Variants in WDR27 observed in about 807,000 individuals in gnomAD.
WDR27 encodes WD repeat-containing protein 27.
Under a neutral mutation model 114.4 loss-of-function variants are expected in WDR27, and 100 were observed. The ratio of observed to expected loss-of-function variants is 0.87; its 90% CI spans 0.74 to 1.03. The LOEUF (loss-of-function observed/expected upper bound fraction) is 1.03, where lower values mean the gene tolerates loss of function less well. Among genes scored for constraint, WDR27 ranks in the 50% least tolerant of loss-of-function variants. The pLI is 0.00. For synonymous variants in WDR27, 449 were observed against 423.1 expected, an observed-to-expected ratio of 1.06 and a Z score of -0.75; for missense variants, 1,129 against 1,092.9, an observed-to-expected ratio of 1.03 and a Z score of -0.47.
intron 23 of WDR27, among the ~76,000 whole-genome samples, chr6:169,584,538 G>A (rs1039393044): frequency 6.6e-6 from 1 of 152,134 alleles, no homozygotes; most frequent in Non-Finnish European, 1.5e-5. Context: ...AGTGCACAGG[G>A]TTCCCTTGTT....
At chr6:169,658,238 G>C (rs1404532459) in intron 13 of WDR27, 38 bp downstream of exon 13, 1 of 1,519,370 alleles carries the variant, frequency 6.6e-7, no homozygotes, top group African/African-American at 1.4e-5. Flanking sequence ...GAACGCATCA[G>C]CCTTGTATTC....
At chr6:169,481,553 C>T (rs1788087265) in intron 25 of WDR27, among the ~76,000 whole-genome samples, 1 of 152,232 alleles carries the variant, frequency 6.6e-6, no homozygotes, top group Non-Finnish European at 1.5e-5. Flanking sequence ...CTGTAGCACT[C>T]ACCGCAAAAG....
chr6:169,448,278 T>C, the WDR27 span, among the ~76,000 whole-genome samples: 2 of 151,972 alleles, frequency 1.3e-5, no homozygotes, highest in Non-Finnish European at 2.9e-5. Context: ...GTTTAGGCCA[T>C]TTTTTTCCTT....
At chr6:169,487,826 C>T (rs1267874033) in intron 25 of WDR27, among the ~76,000 whole-genome samples, 1 of 152,178 alleles carries the variant, frequency 6.6e-6, no homozygotes, top group Non-Finnish European at 1.5e-5. Flanking sequence ...CTACTTCAGT[C>T]ATGGTTAATA....
At chr6:169,656,542 G>C (rs1400003918) in intron 13 of WDR27, among the ~76,000 whole-genome samples, 1 of 152,154 alleles carries the variant, frequency 6.6e-6, no homozygotes, top group Non-Finnish European at 1.5e-5. Context: ...CGGCTTGTGG[G>C]GTCCAGGAAG....
At chr6:169,519,640 C>T (rs948665202) in intron 25 of WDR27, among the ~76,000 whole-genome samples, 1 of 152,116 alleles carries the variant, frequency 6.6e-6, no homozygotes, top group Admixed American at 6.5e-5. Flanking sequence ...TCCCACCAGG[C>T]CCTCCCTCCA....
chr6:169,696,431 C>A (rs1786001112), intron 1 of WDR27, among the ~76,000 whole-genome samples: 1 of 152,150 alleles, frequency 6.6e-6, no homozygotes, highest in Admixed American at 6.6e-5. Context: ...CACATGCACA[C>A]AAAGAATCCC....
At position 169,457,571 on chromosome 6, in the gene WDR27, C is replaced by T; in HGVS notation, c.*21G>A. 2 of 1,548,978 alleles carry T rather than the reference C, an allele frequency of 1.3e-6. No individual in the cohort carries two copies. Among genetic ancestry groups the T allele is most frequent in the Non-Finnish European group, 1.7e-6 (2 of 1,145,508 alleles). Reference sequence around the variant, plus strand: ...CCTCACAGCATTCCTGGACCCAGCTCACAGGTCAGTGGTTACTCAGCTAGA... The same window carrying T: ...CCTCACAGCATTCCTGGACCCAGCTTACAGGTCAGTGGTTACTCAGCTAGA... On this transcript the variant is annotated 3_prime_UTR_variant, in exon 26 of 26. Transcript: ENST00000448612.
At position 169,602,334 on chromosome 6, in the gene WDR27, A is replaced by G; in HGVS notation, c.2322-13T>C. ...GTGGCGCTCACACCTACAGGGAGGA[A>G]AGAAACACCAGGAGAAAAATCATTT... On this transcript the variant is annotated splice_polypyrimidine_tract_variant and intron_variant, in intron 22 of 25. Transcript: ENST00000448612. The G allele has an allele frequency of 6.7e-7, 1 of 1,487,026 alleles. No individual in the cohort carries two copies. The highest frequency in any genetic ancestry group is 1.7e-4 in the Middle Eastern group (1 of 5,804). The allele number at this position is 1,487,026 out of a possible 1,614,324, so 92.1% of individuals were successfully genotyped here.
intron 25 of WDR27, among the ~76,000 whole-genome samples, chr6:169,479,021 C>A (rs933665390): frequency 6.6e-6 from 1 of 152,118 alleles, no homozygotes; most frequent in Non-Finnish European, 1.5e-5. Flanking sequence ...TTGGCTAAGT[C>A]CCCTAAAGCA....
At chr6:169,495,812 A>C (rs1790328022) in intron 25 of WDR27, among the ~76,000 whole-genome samples, 1 of 152,076 alleles carries the variant, frequency 6.6e-6, no homozygotes, top group Admixed American at 6.5e-5. Context: ...CCTGAATCTG[A>C]TGACTTCATT....
At chr6:169,557,869 T>A (rs1799140587) in intron 25 of WDR27, among the ~76,000 whole-genome samples, 1 of 152,160 alleles carries the variant, frequency 6.6e-6, no homozygotes, top group Non-Finnish European at 1.5e-5. Context: ...TAAGAGACTG[T>A]CTTCATTGCC....
At chr6:169,509,457 G>C (rs1393251698) in intron 25 of WDR27, among the ~76,000 whole-genome samples, 1 of 152,004 alleles carries the variant, frequency 6.6e-6, no homozygotes, top group Non-Finnish European at 1.5e-5. Flanking sequence ...ACAGAACAGA[G>C]CCCTCAGAAA....
At chr6:169,565,207 CGTT>C (rs1282813386) in intron 25 of WDR27, among the ~76,000 whole-genome samples, 1 of 152,204 alleles carries the variant, frequency 6.6e-6, no homozygotes, top group African/African-American at 2.4e-5. Context: ...AAACTGCTAA[CGTT>C]GTTGTGTGTG....
chr6:169,531,828 A>G (rs1410699547), intron 25 of WDR27, among the ~76,000 whole-genome samples: 2 of 151,872 alleles, frequency 1.3e-5, no homozygotes, highest in African/African-American at 4.8e-5. Flanking sequence ...TAATTTTTGT[A>G]TTTTTAGTAG....
Position 169,649,233 on chromosome 6 carries a change from C to T in WDR27, c.1524G>A (p.Gly508=), listed in dbSNP as rs1417434535. Residue 508 remains glycine, a synonymous_variant, in exon 15 of 26, where the codon GGG becomes GGA. Transcript: ENST00000448612. ...FSPKTNIKSE[G]KGSSRSRSSC... ...TGCTCCTGCTCCTTGAAGATCCTTT[C>T]CCCTCACTCTTGATGTTGGTCTTTG... The T allele has an allele frequency of 3.8e-6, 6 of 1,578,776 alleles. No homozygotes were observed. Among genetic ancestry groups the T allele is most frequent in the African/African-American group, 2.7e-5 (2 of 74,314 alleles).
intron 25 of WDR27, among the ~76,000 whole-genome samples, chr6:169,496,547 C>G (rs758518993): frequency 6.6e-6 from 1 of 152,034 alleles, no homozygotes; most frequent in Non-Finnish European, 1.5e-5. Flanking sequence ...ATAGGAAGCC[C>G]TACAGATTCC....
chr6:169,495,703 A>G (rs1461797192), intron 25 of WDR27, among the ~76,000 whole-genome samples: 2 of 152,080 alleles, frequency 1.3e-5, no homozygotes, highest in African/African-American at 4.8e-5. Context: ...TAAACATAAA[A>G]TCTACCAAGA....
Position 169,664,198 on chromosome 6 carries a change from C to G in WDR27, c.872G>C (p.Arg291Thr). Residue 291 changes from arginine to threonine, a missense_variant, in exon 8 of 26, where the codon AGA (arginine) becomes ACA (threonine). Physicochemically the swap from Arg to Thr is moderately conservative, Grantham distance 71. Coordinates refer to ENST00000448612, the MANE Select transcript of WDR27 (RefSeq NM_182552.5). ...LRKKTETFST[R>T]RVKSGLCSQP... ...GCTGCACAGCCCAGACTTAACCCTT[C>G]TTGTGGAGAAAGTCTCTGTCTTCTT... 1 of 1,609,856 alleles carries G rather than the reference C, an allele frequency of 6.2e-7. No individual in the cohort carries two copies. Among genetic ancestry groups the G allele is most frequent in the Non-Finnish European group, 8.5e-7 (1 of 1,177,704 alleles).
Sources: gnomAD v4.1 joint callset for allele counts (sites outside exome capture counted in the v4.1 genomes callset) on GRCh38, gnomAD v4.1.1 for gene constraint, MANE v1.5 for transcripts, NCBI Gene and HGNC (gene_info 2026-07-23, HGNC 2026-07-21) for gene names.